BRINP3: variants seen among roughly 807,000 people sequenced by gnomAD.
BRINP3 encodes BMP/retinoic acid-inducible neural-specific protein 3.
A neutral mutation model predicts 71.0 loss-of-function variants in BRINP3; 19 were observed. The observed-to-expected ratio is 0.27, with a 90% CI of 0.19 to 0.39. The LOEUF (loss-of-function observed/expected upper bound fraction) is 0.39, where lower values mean the gene tolerates loss of function less well. Among genes scored for constraint, BRINP3 ranks in the 10% least tolerant of loss-of-function variants. The pLI, the probability that BRINP3 is intolerant of heterozygous loss-of-function variation, is 1.00. For synonymous variants in BRINP3, 380 were observed against 337.7 expected (o/e 1.13, Z -1.37); for missense variants, 959 against 940.8 (o/e 1.02, Z -0.25).
chr1:190,209,069 ATT>A (rs958642920), intron 6 of BRINP3, among the ~76,000 whole-genome samples: 10 of 152,036 alleles, frequency 6.6e-5, no homozygotes, highest in Admixed American at 5.9e-4. Flanking sequence ...ATTTACTATG[ATT>A]TTTTTGTAGA....
intron 2 of BRINP3, among the ~76,000 whole-genome samples, chr1:190,292,507 C>T (rs749629842): frequency 6.6e-6 from 1 of 151,878 alleles, no homozygotes; most frequent in Non-Finnish European, 1.5e-5. Context: ...AAATAGCTTA[C>T]TCTGGTGGCA....
chr1:190,429,849 C>T (rs1370781854), intron 2 of BRINP3, among the ~76,000 whole-genome samples: 3 of 152,076 alleles, frequency 2.0e-5, no homozygotes, highest in Non-Finnish European at 4.4e-5. Context: ...CCGCCTTGGC[C>T]TCCCAAAGTG....
intron 2 of BRINP3, among the ~76,000 whole-genome samples, chr1:190,304,151 A>G (rs1197701812): frequency 1.3e-5 from 2 of 151,870 alleles, no homozygotes; most frequent in East Asian, 3.8e-4. Flanking sequence ...TTTATTTTCC[A>G]TGCTATAAAA....
intron 4 of BRINP3, among the ~76,000 whole-genome samples, chr1:190,262,065 G>A (rs1306655697): frequency 2.0e-5 from 3 of 152,120 alleles, no homozygotes; most frequent in African/African-American, 7.2e-5. Flanking sequence ...CATTTGATAA[G>A]TAATAAAAAT....
chr1:190,195,683 C>A (rs889790260), intron 6 of BRINP3, among the ~76,000 whole-genome samples: 4 of 151,972 alleles, frequency 2.6e-5, no homozygotes, highest in African/African-American at 9.7e-5. Context: ...CTAATGTGAT[C>A]TAAATTGGCT....
At chr1:190,252,036 A>G (rs1322557366) in intron 4 of BRINP3, among the ~76,000 whole-genome samples, 1 of 152,088 alleles carries the variant, frequency 6.6e-6, no homozygotes, top group Non-Finnish European at 1.5e-5. Context: ...TGTCAGATAC[A>G]CTATAACACA....
chr1:190,166,099 T>C (rs940932960), intron 6 of BRINP3, among the ~76,000 whole-genome samples: 7 of 152,204 alleles, frequency 4.6e-5, no homozygotes, highest in African/African-American at 1.7e-4. Context: ...CACACATCAA[T>C]GTAAGTCTAT....
Position 190,116,930 on chromosome 1 carries a change from C to G in BRINP3, c.1185-17796G>C, listed in dbSNP as rs77242512. On this transcript the variant is annotated intron_variant, in intron 7 of 7. Coordinates refer to ENST00000367462, the MANE Select transcript of BRINP3 (RefSeq NM_199051.3). ...GGCTTTGGATATAAGGACATCATTTCCTTACAGTTATTCTCAACTTAAAAA... is the reference window on the plus strand; with the variant it reads ...GGCTTTGGATATAAGGACATCATTTGCTTACAGTTATTCTCAACTTAAAAA... Among the ~76,000 whole-genome samples the G allele has an allele frequency of 1.8e-3, 268 of 152,062 alleles. 2 individuals are homozygous for G. The highest frequency in any genetic ancestry group is 5.9e-3 in the African/African-American group (245 of 41,528).
chr1:190,133,678 A>G (rs1315682987), intron 7 of BRINP3, among the ~76,000 whole-genome samples: 2 of 152,160 alleles, frequency 1.3e-5, no homozygotes, highest in African/African-American at 4.8e-5. Context: ...TGCATAATAC[A>G]CTTAATACAA....
At chr1:190,352,855 CTCTCTG>C (rs1237798051) in intron 2 of BRINP3, among the ~76,000 whole-genome samples, 1 of 151,410 alleles carries the variant, frequency 6.6e-6, no homozygotes, top group African/African-American at 2.4e-5. Flanking sequence ...CTCTCTCTCT[CTCTCTG>C]TGTGTGTATG....
intron 2 of BRINP3, among the ~76,000 whole-genome samples, chr1:190,433,864 T>A (rs944566544): frequency 6.6e-6 from 1 of 152,154 alleles, no homozygotes; most frequent in Non-Finnish European, 1.5e-5. Context: ...GAAAAAGATG[T>A]GTGTGCTGTA....
chr1:190,139,801 C>A (rs920444266), intron 7 of BRINP3, among the ~76,000 whole-genome samples: 2 of 152,130 alleles, frequency 1.3e-5, no homozygotes, highest in African/African-American at 4.8e-5. Flanking sequence ...TTTAGTGTTA[C>A]CTTTCTCATG....
At chr1:190,258,128 G>T (rs1206278375) in intron 4 of BRINP3, among the ~76,000 whole-genome samples, 1 of 152,196 alleles carries the variant, frequency 6.6e-6, no homozygotes, top group African/African-American at 2.4e-5. Flanking sequence ...GCTGAACTGT[G>T]GGGGGCTCTG....
At chr1:190,228,273 C>T (rs1215005488) in intron 5 of BRINP3, among the ~76,000 whole-genome samples, 2 of 151,482 alleles carry the variant, frequency 1.3e-5, no homozygotes, top group Admixed American at 1.3e-4. Flanking sequence ...AGAGTCTTTG[C>T]TCAAGGAACT....
chr1:190,141,453 A>C (rs1655423060), intron 7 of BRINP3, among the ~76,000 whole-genome samples: 1 of 151,910 alleles, frequency 6.6e-6, no homozygotes, highest in African/African-American at 2.4e-5. Context: ...TTCCAGAATT[A>C]ACACCACAAT....
intron 2 of BRINP3, among the ~76,000 whole-genome samples, chr1:190,351,693 T>C (rs1387662758): frequency 6.6e-6 from 1 of 152,130 alleles, no homozygotes; most frequent in African/African-American, 2.4e-5. Context: ...AATTTCTATG[T>C]AGGCTATCAT....
At chr1:190,199,654 C>T (rs998659143) in intron 6 of BRINP3, among the ~76,000 whole-genome samples, 1 of 151,734 alleles carries the variant, frequency 6.6e-6, no homozygotes, top group East Asian at 1.9e-4. Flanking sequence ...CAAAAGCCAT[C>T]TTTGTCACAA....
chr1:190,238,098 A>AT (rs1658699409), intron 4 of BRINP3, among the ~76,000 whole-genome samples: 2 of 151,960 alleles, frequency 1.3e-5, no homozygotes, highest in South Asian at 4.1e-4. Flanking sequence ...AATTTTATAC[A>AT]TTTTGCCCCT....
chr1:190,223,741 G>C (rs1193141439), intron 6 of BRINP3, among the ~76,000 whole-genome samples: 1 of 151,774 alleles, frequency 6.6e-6, no homozygotes, highest in African/African-American at 2.4e-5. Flanking sequence ...AATTAGCGTT[G>C]TTTGTAGACA....
Sources: gnomAD v4.1 joint callset for allele counts (sites outside exome capture counted in the v4.1 genomes callset) on GRCh38, gnomAD v4.1.1 for gene constraint, MANE v1.5 for transcripts, NCBI Gene and HGNC (gene_info 2026-07-23, HGNC 2026-07-21) for gene names.